The following PTPRD variants were observed in gnomAD, a reference collection of about 807,000 sequenced individuals.
PTPRD encodes the protein receptor-type tyrosine-protein phosphatase delta.
Under a neutral mutation model 214.5 loss-of-function variants are expected in PTPRD, and 34 were observed. That is an observed-to-expected ratio of 0.16 (90% CI 0.12 to 0.21). PTPRD has a LOEUF of 0.21. Among genes scored for constraint, PTPRD ranks in the 10% least tolerant of loss-of-function variants. PTPRD has a pLI of 1.00. For missense variants in PTPRD, 2,545 were observed against 2,398.7 expected (o/e 1.06, Z -1.27); for synonymous variants, 1,128 against 845.7 (o/e 1.33, Z -5.79).
chr9:8,907,533 A>AATATATAT (rs1555505761), intron 11 of PTPRD, among the ~76,000 whole-genome samples: 4 of 118,234 alleles, frequency 3.4e-5, no homozygotes, highest in African/African-American at 1.3e-4. Flanking sequence ...AAAAAAAAAA[A>AATATATAT]ATATATATAT....
chr9:9,740,574 G>C (rs893306204), intron 6 of PTPRD, among the ~76,000 whole-genome samples: 1 of 152,040 alleles, frequency 6.6e-6, no homozygotes, highest in Non-Finnish European at 1.5e-5. Context: ...TGTTAGCCAG[G>C]ATGGTCTGGA....
At chr9:9,165,762 T>G (rs895438685) in intron 10 of PTPRD, among the ~76,000 whole-genome samples, 6 of 152,216 alleles carry the variant, frequency 3.9e-5, no homozygotes, top group Non-Finnish European at 7.3e-5. Flanking sequence ...ATAGTCAATG[T>G]GTGATATTAA....
chr9:9,754,350 T>C (rs1053225611), intron 6 of PTPRD, among the ~76,000 whole-genome samples: 6 of 151,982 alleles, frequency 3.9e-5, no homozygotes, highest in African/African-American at 7.2e-5. Flanking sequence ...AAGAAATAAA[T>C]GCAATGGGAT....
chr9:8,569,909 G>A (rs982163354), intron 14 of PTPRD, among the ~76,000 whole-genome samples: 7 of 152,068 alleles, frequency 4.6e-5, no homozygotes, highest in Non-Finnish European at 7.4e-5. Flanking sequence ...GAAAGTTTCA[G>A]ATTTGGGAAA....
At chr9:10,332,588 A>T (rs2096771538) in intron 3 of PTPRD, among the ~76,000 whole-genome samples, 2 of 151,870 alleles carry the variant, frequency 1.3e-5, no homozygotes, top group African/African-American at 4.8e-5. Flanking sequence ...TACATGCAGC[A>T]TATAACGTGT....
At chr9:10,480,032 G>T (rs1017100803) in intron 2 of PTPRD, among the ~76,000 whole-genome samples, 1 of 152,228 alleles carries the variant, frequency 6.6e-6, no homozygotes, top group Admixed American at 6.5e-5. Context: ...ATGAATGATT[G>T]TTCTCATCCT....
intron 2 of PTPRD, among the ~76,000 whole-genome samples, chr9:10,345,037 A>T (rs1299567782): frequency 6.6e-6 from 1 of 152,138 alleles, no homozygotes; most frequent in Non-Finnish European, 1.5e-5. Flanking sequence ...TCCCCATCAT[A>T]GAATGGAAAC....
At chr9:10,498,525 A>C (rs1205874437) in intron 2 of PTPRD, among the ~76,000 whole-genome samples, 1 of 151,922 alleles carries the variant, frequency 6.6e-6, no homozygotes, top group African/African-American at 2.4e-5. Context: ...CTTTTATTTC[A>C]AATATCTCCT....
intron 8 of PTPRD, among the ~76,000 whole-genome samples, chr9:9,465,551 A>G (rs2094071929): frequency 6.6e-6 from 1 of 152,178 alleles, no homozygotes; most frequent in Non-Finnish European, 1.5e-5. Flanking sequence ...GAAAACAAAT[A>G]CCCGAAAGAC....
intron 10 of PTPRD, among the ~76,000 whole-genome samples, chr9:9,056,028 A>G (rs945973287): frequency 5.9e-5 from 9 of 152,108 alleles, no homozygotes; most frequent in African/African-American, 2.2e-4. Flanking sequence ...CTGGCAGAAT[A>G]TACTAGAGTA....
intron 12 of PTPRD, among the ~76,000 whole-genome samples, chr9:8,727,816 C>T (rs1034448614): frequency 6.6e-6 from 1 of 152,152 alleles, no homozygotes; most frequent in Non-Finnish European, 1.5e-5. Context: ...CCACAACTGG[C>T]TGTTTTTTTT....
At chr9:10,588,977 G>A (rs1326880014) in intron 2 of PTPRD, among the ~76,000 whole-genome samples, 3 of 151,986 alleles carry the variant, frequency 2.0e-5, no homozygotes, top group African/African-American at 7.2e-5. Context: ...TACTGAATGA[G>A]TAATATTGTA....
intron 9 of PTPRD, among the ~76,000 whole-genome samples, chr9:9,306,046 C>T (rs887670386): frequency 6.6e-6 from 1 of 152,140 alleles, no homozygotes; most frequent in Non-Finnish European, 1.5e-5. Flanking sequence ...CCAGTCATAA[C>T]ACCAGTACAG....
chr9:10,231,356 T>A (rs2099609045), intron 3 of PTPRD, among the ~76,000 whole-genome samples: 1 of 151,756 alleles, frequency 6.6e-6, no homozygotes, highest in African/African-American at 2.4e-5. Context: ...ATGGAAGGGT[T>A]TGCAGGAAGG....
intron 2 of PTPRD, among the ~76,000 whole-genome samples, chr9:10,553,770 A>T (rs983649739): frequency 6.8e-6 from 1 of 147,014 alleles, no homozygotes; most frequent in African/African-American, 2.4e-5. Flanking sequence ...TTTCTTATTA[A>T]TAATGTTTAT....
chr9:9,055,467 C>T (rs1347520125), intron 10 of PTPRD, among the ~76,000 whole-genome samples: 1 of 152,006 alleles, frequency 6.6e-6, no homozygotes, highest in Non-Finnish European at 1.5e-5. Context: ...CCAAAAGTGC[C>T]CTCGTGAAAA....
intron 5 of PTPRD, among the ~76,000 whole-genome samples, chr9:9,847,297 A>C (rs1355404374): frequency 2.6e-5 from 4 of 152,244 alleles, no homozygotes; most frequent in East Asian, 3.9e-4. Flanking sequence ...ATCCATAAGA[A>C]ATTACTGATG....
rs1485971392 is a variant in PTPRD, at chr9:8,314,690, TAAAC to T, written c.*3180_*3183del. 4.3e-6 allele frequency: 1 copy of T among 231,904 alleles called. No homozygotes were observed. Among genetic ancestry groups the T allele is most frequent in the Non-Finnish European group, 8.5e-6 (1 of 117,238 alleles). The allele number at this position is 231,904 out of a possible 1,614,324, so 14.4% of individuals were successfully genotyped here. A position where few individuals can be genotyped will look rare whatever the true frequency, so the allele number is the denominator to read the frequency against. On this transcript the variant is annotated 3_prime_UTR_variant, in exon 46 of 46. Coordinates refer to ENST00000381196, the MANE Select transcript of PTPRD (RefSeq NM_002839.4). ...AAAGGACTTAAAGCAAAACCGAAAA[TAAAC>T]AGGAAAGAAAAAAAATACGTGCATT... is the stretch of plus-strand genomic sequence containing the variant.
At chr9:10,250,304 T>C (rs113573039) in intron 3 of PTPRD, among the ~76,000 whole-genome samples, 2,646 of 152,210 alleles carry the variant, frequency 0.017, 71 homozygotes, top group African/African-American at 0.057. Context: ...CTCTGACCCT[T>C]TACTCATCTA....
Sources: gnomAD v4.1 joint callset for allele counts (sites outside exome capture counted in the v4.1 genomes callset) on GRCh38, gnomAD v4.1.1 for gene constraint, MANE v1.5 for transcripts, NCBI Gene and HGNC (gene_info 2026-07-23, HGNC 2026-07-21) for gene names.